NCKAP5: variants seen among roughly 807,000 people sequenced by gnomAD.
NCKAP5 encodes NCK associated protein 5.
A neutral mutation model predicts 167.0 loss-of-function variants in NCKAP5; 92 were observed. The observed-to-expected ratio is 0.55, with a 90% CI of 0.47 to 0.66. NCKAP5 has a LOEUF of 0.66. NCKAP5 is among the 30% of genes least tolerant of loss of function. The pLI, the probability that NCKAP5 is intolerant of heterozygous loss-of-function variation, is 0.00. For missense variants in NCKAP5, 2,378 were observed against 2,315.0 expected (o/e 1.03, Z -0.56); for synonymous variants, 891 against 877.4 (o/e 1.02, Z -0.27).
At chr2:132,965,416 A>AAC (rs2076629782) in intron 7 of NCKAP5, among the ~76,000 whole-genome samples, 1 of 152,230 alleles carries the variant, frequency 6.6e-6, no homozygotes, top group South Asian at 2.1e-4. Context: ...CTAAACAAAG[A>AAC]AGTACCTTTA....
chr2:133,383,070 A>C (rs1333110850), intron 3 of NCKAP5, among the ~76,000 whole-genome samples: 1 of 151,972 alleles, frequency 6.6e-6, no homozygotes, highest in Non-Finnish European at 1.5e-5. Context: ...TTTTAAAAAA[A>C]ATTTTTTTAT....
rs562981050 is a variant in NCKAP5 at position 133,071,081 on chromosome 2, A to G, written c.341+58897T>C. Among the ~76,000 whole-genome samples, 32 of 152,306 alleles carry G rather than the reference A, an allele frequency of 2.1e-4. 1 individual carries two copies. The South Asian group carries it at 6.4e-3, about 31-fold the overall frequency. Reference sequence around the variant, plus strand: ...TAGTTTTAAGCATAATAAAGACAAAAGGTGACACTAAAGAAGCAAAAATAA... The same window carrying G: ...TAGTTTTAAGCATAATAAAGACAAAGGGTGACACTAAAGAAGCAAAAATAA... On this transcript the variant is annotated intron_variant, in intron 6 of 19. Transcript: ENST00000409261.
chr2:133,448,892 A>G (rs1691377941), intron 3 of NCKAP5, among the ~76,000 whole-genome samples: 1 of 152,130 alleles, frequency 6.6e-6, no homozygotes, highest in Non-Finnish European at 1.5e-5. Flanking sequence ...CACCCACCTT[A>G]TATGCTTCTT....
In NCKAP5 at chr2:132,962,740, G is replaced by T. The variant is rs561463727; in HGVS notation, c.579+980C>A. Reference sequence around the variant, plus strand: ...TGAGTAACTGGGACTACAGGCACGTGCCACCACGCCTGGCTAATTTTTTTG... The same window carrying T: ...TGAGTAACTGGGACTACAGGCACGTTCCACCACGCCTGGCTAATTTTTTTG... On this transcript the variant is annotated intron_variant, in intron 8 of 19. Coordinates refer to ENST00000409261, the MANE Select transcript of NCKAP5 (RefSeq NM_207363.3). Among the ~76,000 whole-genome samples, 7 of 152,240 alleles carry T rather than the reference G, an allele frequency of 4.6e-5. No homozygotes were observed. In the East Asian group the frequency reaches 1.4e-3, roughly 29 times the overall value.
intron 3 of NCKAP5, among the ~76,000 whole-genome samples, chr2:133,328,147 C>A (rs1478697570): frequency 1.3e-5 from 2 of 152,204 alleles, no homozygotes; most frequent in African/African-American, 4.8e-5. Context: ...GAGCTGTATT[C>A]TTTTCATCCC....
chr2:132,910,819 T>A (rs1400809651), intron 8 of NCKAP5, among the ~76,000 whole-genome samples: 2 of 152,184 alleles, frequency 1.3e-5, no homozygotes, highest in Non-Finnish European at 2.9e-5. Flanking sequence ...TGGATTGGAT[T>A]TGGAAATGAG....
At chr2:133,508,952 G>A (rs1463827197) in intron 3 of NCKAP5, among the ~76,000 whole-genome samples, 1 of 152,208 alleles carries the variant, frequency 6.6e-6, no homozygotes, top group Non-Finnish European at 1.5e-5. Context: ...TCCAGTTCCT[G>A]TTTTTATGTA....
At chr2:133,084,694 T>C (rs1413798073) in intron 6 of NCKAP5, among the ~76,000 whole-genome samples, 4 of 152,158 alleles carry the variant, frequency 2.6e-5, no homozygotes, top group African/African-American at 9.7e-5. Flanking sequence ...ACTTCATACA[T>C]CAAGCTTTCC....
At chr2:132,857,272 A>G (rs1329743230) in intron 11 of NCKAP5, among the ~76,000 whole-genome samples, 1 of 152,092 alleles carries the variant, frequency 6.6e-6, no homozygotes, top group Non-Finnish European at 1.5e-5. Context: ...AAGGCATTTG[A>G]GGAGCAGTTT....
chr2:133,408,669 T>C (rs919528745), intron 3 of NCKAP5, among the ~76,000 whole-genome samples: 1 of 152,264 alleles, frequency 6.6e-6, no homozygotes, highest in African/African-American at 2.4e-5. Context: ...GGGAAAAGTC[T>C]ATACCACCTC....
intron 10 of NCKAP5, 92 bp from the exon 11 acceptor site, chr2:132,860,703 T>TA (rs1160167192): frequency 1.9e-5 from 27 of 1,391,328 alleles, no homozygotes; most frequent in Middle Eastern, 4.4e-4. Flanking sequence ...AGATCATTAG[T>TA]AAAAAACGGT....
At chr2:133,210,623 T>C (rs939246200) in intron 5 of NCKAP5, among the ~76,000 whole-genome samples, 14 of 152,162 alleles carry the variant, frequency 9.2e-5, no homozygotes, top group Non-Finnish European at 1.6e-4. Flanking sequence ...TTTTAGGAGC[T>C]GTCAGATACT....
At chr2:132,991,889 G>A (rs972007986) in intron 7 of NCKAP5, among the ~76,000 whole-genome samples, 2 of 152,140 alleles carry the variant, frequency 1.3e-5, no homozygotes, top group African/African-American at 2.4e-5. Context: ...GTATCACCAC[G>A]CATACATCAT....
chr2:133,577,591 T>C, the NCKAP5 span, among the ~76,000 whole-genome samples: 1 of 152,164 alleles, frequency 6.6e-6, no homozygotes, highest in Non-Finnish European at 1.5e-5. Flanking sequence ...ATTGTACACA[T>C]GTGCCATGTT....
intron 3 of NCKAP5, among the ~76,000 whole-genome samples, chr2:133,353,298 T>A (rs1480059937): frequency 6.6e-6 from 1 of 152,128 alleles, no homozygotes; most frequent in Non-Finnish European, 1.5e-5. Context: ...ACAGAAGGCA[T>A]TTTTGGAGTC....
At chr2:133,140,495 GAGGATTCCA>G (rs2082957159) in intron 5 of NCKAP5, among the ~76,000 whole-genome samples, 1 of 151,918 alleles carries the variant, frequency 6.6e-6, no homozygotes, top group Non-Finnish European at 1.5e-5. Flanking sequence ...CTCTGTTATG[GAGGATTCCA>G]AGATTTTTCA....
intron 19 of NCKAP5, among the ~76,000 whole-genome samples, chr2:132,681,758 A>G (rs1381011773): frequency 6.6e-6 from 1 of 152,182 alleles, no homozygotes; most frequent in Non-Finnish European, 1.5e-5. Context: ...AGGGAAAAAC[A>G]TTTTATGTTA....
At chr2:133,647,753 GAAAAGAAAAGAA>G in the NCKAP5 span, among the ~76,000 whole-genome samples, 3 of 144,874 alleles carry the variant, frequency 2.1e-5, no homozygotes, top group African/African-American at 5.1e-5. Context: ...AGGAAGGAAA[GAAAAGAAAAGAA>G]AAAAGAAAAG....
In NCKAP5 at chr2:133,527,813, C is replaced by T. The variant is rs183028406; in HGVS notation, c.-61-10226G>A. On this transcript the variant is annotated intron_variant, in intron 2 of 19. Transcript: ENST00000409261. ...GGTTCGGTGGTTCATACCTGTAATT[C>T]CAGCACTTTGGGAGGTCAAGGTGGG... Among the ~76,000 whole-genome samples the T allele has an allele frequency of 2.4e-3, 360 of 152,110 alleles. 2 individuals carry two copies. Among genetic ancestry groups the T allele is most frequent in the South Asian group, 5.4e-3 (26 of 4,796 alleles).
Sources: gnomAD v4.1 joint callset for allele counts (sites outside exome capture counted in the v4.1 genomes callset) on GRCh38, gnomAD v4.1.1 for gene constraint, MANE v1.5 for transcripts, NCBI Gene and HGNC (gene_info 2026-07-23, HGNC 2026-07-21) for gene names.